Variants in RERE observed in about 807,000 individuals in gnomAD.
RERE encodes arginine-glutamic acid dipeptide repeats protein.
RERE carries 40 observed loss-of-function variants against 146.1 expected under a neutral mutation model. The observed-to-expected ratio is 0.27, with a 90% CI of 0.21 to 0.36. The LOEUF is 0.36. RERE is among the 10% of genes least tolerant of loss of function. The pLI is 1.00. For synonymous variants in RERE, 1,003 were observed against 866.0 expected (o/e 1.16, Z -2.78); for missense variants, 1,933 against 2,138.7 (o/e 0.90, Z 1.90).
chr1:8,504,403 G>C (rs1276073001), intron 8 of RERE, among the ~76,000 whole-genome samples: 1 of 152,158 alleles, frequency 6.6e-6, no homozygotes, highest in East Asian at 1.9e-4. Flanking sequence ...TCATCAATAA[G>C]AACTGATTAA....
intron 10 of RERE, among the ~76,000 whole-genome samples, chr1:8,471,889 AC>A (rs1232771011): frequency 6.6e-6 from 1 of 152,074 alleles, no homozygotes; most frequent in Non-Finnish European, 1.5e-5. Flanking sequence ...TCGGCTCATT[AC>A]AACCTCTGCC....
At chr1:8,384,929 T>C (rs1382710515) in intron 12 of RERE, among the ~76,000 whole-genome samples, 2 of 152,210 alleles carry the variant, frequency 1.3e-5, no homozygotes, top group African/African-American at 2.4e-5. Flanking sequence ...CCACATTGAC[T>C]TCAAGGACAA....
intron 1 of RERE, among the ~76,000 whole-genome samples, chr1:8,739,510 G>T (rs548174913): frequency 3.3e-5 from 5 of 152,320 alleles, no homozygotes; most frequent in Admixed American, 2.6e-4. Context: ...CTTGGAACCA[G>T]CAAGTAAATC....
chr1:8,381,047 T>G (rs1642431750), intron 12 of RERE: 4 of 456,466 alleles, frequency 8.8e-6, no homozygotes, highest in South Asian at 1.5e-5. Context: ...CTTCTCCTGG[T>G]TGCTGCTGGC....
In RERE at chr1:8,514,307, G is replaced by A. The variant is rs377038665; in HGVS notation, c.831-5632C>T. On this transcript the variant is annotated intron_variant, in intron 7 of 22. Transcript: ENST00000400908. ...TTTCAAAGAGTAACTGATATTCCATGAAAAAAGTGGCTAGCTTCGCTTCTA... is the reference window on the plus strand; with the variant it reads ...TTTCAAAGAGTAACTGATATTCCATAAAAAAAGTGGCTAGCTTCGCTTCTA... Among the ~76,000 whole-genome samples the A allele has an allele frequency of 5.6e-4, 85 of 152,302 alleles. 1 individual carries two copies. The South Asian group carries it at 6.0e-3, about 11-fold the overall frequency.
At chr1:8,604,678 C>T (rs1314815423) in intron 4 of RERE, among the ~76,000 whole-genome samples, 1 of 123,550 alleles carries the variant, frequency 8.1e-6, no homozygotes, top group African/African-American at 2.9e-5. Flanking sequence ...GGAAGGAAGT[C>T]CACATATCTG....
chr1:8,519,675 A>G (rs1375981604), intron 7 of RERE: 1 of 152,180 alleles, frequency 6.6e-6, no homozygotes, highest in Non-Finnish European at 1.5e-5. Flanking sequence ...ATGGAAGCTA[A>G]TCCTGCTATT....
intron 2 of RERE, among the ~76,000 whole-genome samples, chr1:8,626,652 C>A (rs1646976649): frequency 6.6e-6 from 1 of 152,132 alleles, no homozygotes; most frequent in African/African-American, 2.4e-5. Flanking sequence ...GAGATGTCAG[C>A]CCCAAAACAT....
chr1:8,615,845 T>C (rs141664371), intron 3 of RERE, among the ~76,000 whole-genome samples: 3 of 152,226 alleles, frequency 2.0e-5, no homozygotes, highest in East Asian at 1.9e-4. Flanking sequence ...ATGTTCAGAA[T>C]GTTTTATCAT....
Position 8,694,810 on chromosome 1 carries a change from T to C in RERE, c.-144-38369A>G, listed in dbSNP as rs76043217. ...CAAATGGAAAAACATTTGATGCTCATAGATTGGAAGAATCATTAAAATGAC... is the reference window on the plus strand; with the variant it reads ...CAAATGGAAAAACATTTGATGCTCACAGATTGGAAGAATCATTAAAATGAC... On this transcript the variant is annotated intron_variant, in intron 1 of 22. Coordinates refer to ENST00000400908, the MANE Select transcript of RERE (RefSeq NM_001042681.2). 4.8e-3 allele frequency among the ~76,000 whole-genome samples: 727 copies of C among 152,114 alleles called. 4 individuals are homozygous for C. The highest frequency in any genetic ancestry group is 0.017 in the African/African-American group (699 of 41,468).
At chr1:8,474,880 C>T (rs1644733293) in intron 10 of RERE, among the ~76,000 whole-genome samples, 1 of 152,114 alleles carries the variant, frequency 6.6e-6, no homozygotes, top group Non-Finnish European at 1.5e-5. Flanking sequence ...AATTCCAGTC[C>T]ATGAAGAACA....
At chr1:8,407,096 C>G (rs17385239) in intron 12 of RERE, among the ~76,000 whole-genome samples, 2 of 152,288 alleles carry the variant, frequency 1.3e-5, no homozygotes, top group African/African-American at 2.4e-5. Context: ...GGCAGGCATT[C>G]GCATTAGGAA....
chr1:8,495,793 T>G (rs1265613778), intron 9 of RERE, among the ~76,000 whole-genome samples: 1 of 152,172 alleles, frequency 6.6e-6, no homozygotes, highest in African/African-American at 2.4e-5. Context: ...GAAAGAAAAG[T>G]CTCCAGAAAA....
intron 1 of RERE, among the ~76,000 whole-genome samples, chr1:8,668,482 G>C (rs2124365612): frequency 6.6e-6 from 1 of 152,282 alleles, no homozygotes; most frequent in South Asian, 2.1e-4. Context: ...CCAAATCCCT[G>C]ATCTTGAAAG....
chr1:8,443,021 C>A (rs1240376141), intron 11 of RERE, among the ~76,000 whole-genome samples: 1 of 152,190 alleles, frequency 6.6e-6, no homozygotes, highest in African/African-American at 2.4e-5. Flanking sequence ...CTCTAAGCAG[C>A]AAAGTATTCA....
intron 1 of RERE, among the ~76,000 whole-genome samples, chr1:8,739,825 AATG>A (rs1367516911): frequency 1.1e-4 from 3 of 27,492 alleles, no homozygotes; most frequent in Non-Finnish European, 2.8e-4. Context: ...CATTATGATT[AATG>A]TTAATAATAC....
intron 1 of RERE, among the ~76,000 whole-genome samples, chr1:8,759,257 A>G (rs1418235750): frequency 6.6e-6 from 1 of 152,266 alleles, no homozygotes. Flanking sequence ...CATTAACTGT[A>G]GAATCCTTTT....
intron 12 of RERE, among the ~76,000 whole-genome samples, chr1:8,400,246 G>GTGTGTGTGTT (rs1462295350): frequency 6.6e-6 from 1 of 151,578 alleles, no homozygotes; most frequent in Non-Finnish European, 1.5e-5. Flanking sequence ...GTGTGTGTGT[G>GTGTGTGTGTT]TGTGTGTGTA....
intron 12 of RERE, among the ~76,000 whole-genome samples, chr1:8,409,161 T>C (rs1452161310): frequency 6.6e-6 from 1 of 152,214 alleles, no homozygotes; most frequent in African/African-American, 2.4e-5. Flanking sequence ...TAAGGAAATA[T>C]CAGTTGTCTC....
Sources: gnomAD v4.1 joint callset for allele counts (sites outside exome capture counted in the v4.1 genomes callset) on GRCh38, gnomAD v4.1.1 for gene constraint, MANE v1.5 for transcripts, NCBI Gene and HGNC (gene_info 2026-07-23, HGNC 2026-07-21) for gene names.